Variants in FAM81A observed in about 807,000 individuals in gnomAD.
The protein encoded by FAM81A is family with sequence similarity 81 member A, also known as protein FAM81A.
FAM81A carries 19 observed loss-of-function variants against 46.7 expected under a neutral mutation model. The observed-to-expected ratio is 0.41, with a 90% confidence interval of 0.28 to 0.60. FAM81A has a LOEUF of 0.60. Ranked by LOEUF, FAM81A falls within the 20% of genes least tolerant of loss-of-function variation. The pLI is 0.34. For missense variants in FAM81A, 377 were observed against 453.5 expected (o/e 0.83, Z 1.53); for synonymous variants, 183 against 152.9 (o/e 1.20, Z -1.45).
Position 59,461,959 on chromosome 15 carries a change from T to C in FAM81A, c.294+1753T>C, listed in dbSNP as rs186826596. On this transcript the variant is annotated intron_variant, in intron 3 of 8. Coordinates refer to ENST00000288228, the MANE Select transcript of FAM81A (RefSeq NM_152450.3). ...TGGCTCATGCCTGTAATCCCAGCTC[T>C]TAAGGAGGCCGAGGCAGGTGGATCA... 9.3e-4 allele frequency among the ~76,000 whole-genome samples: 141 copies of C among 152,296 alleles called. 1 individual carries two copies. Among genetic ancestry groups the C allele is most frequent in the Non-Finnish European group, 7.2e-4 (49 of 68,024 alleles).
At chr15:59,429,946 G>A (rs867435109) in intron 2 of FAM81A, among the ~76,000 whole-genome samples, 2 of 152,204 alleles carry the variant, frequency 1.3e-5, no homozygotes, top group African/African-American at 4.8e-5. Context: ...GTTGAGTCCA[G>A]GCCAGGTAGT....
rs752484416 is a variant in FAM81A at position 59,460,090 on chromosome 15, A to C, written c.178A>C (p.Asn60His). Residue 60 changes from asparagine (N) to histidine (H), a missense_variant, in exon 3 of 9, where the codon AAC becomes CAC. By Grantham distance (68) the Asn-to-His change is moderately conservative. Coordinates refer to ENST00000288228, the MANE Select transcript of FAM81A (RefSeq NM_152450.3). The surrounding 1 kb of genome is among the most constrained non-coding windows in gnomAD (Gnocchi z 4.4). ...CTTTCGGATTAAAGATGACATTGTC[A>C]ACAGTTTGCAGAAAATGCAAAACAA... ...HAFRIKDDIV[N>H]SLQKMQNKGG... The C allele has an allele frequency of 6.2e-7, 1 of 1,614,056 alleles. No homozygotes were observed. Among genetic ancestry groups the C allele is most frequent in the Non-Finnish European group, 8.5e-7 (1 of 1,179,898 alleles).
chr15:59,478,433 G>A (rs1370946568), intron 3 of FAM81A, among the ~76,000 whole-genome samples: 1 of 152,186 alleles, frequency 6.6e-6, no homozygotes, highest in Non-Finnish European at 1.5e-5. Context: ...ACTAACATGG[G>A]AAAGCAGGGG....
chr15:59,511,311 G>A (rs1427367931), intron 6 of FAM81A, among the ~76,000 whole-genome samples: 1 of 152,112 alleles, frequency 6.6e-6, no homozygotes, highest in Non-Finnish European at 1.5e-5. Flanking sequence ...ATTCTTAGGA[G>A]TTTTTCAGGA....
chr15:59,473,251 A>C (rs530638679), intron 3 of FAM81A, among the ~76,000 whole-genome samples: 8 of 152,206 alleles, frequency 5.3e-5, no homozygotes, highest in Non-Finnish European at 8.8e-5. Context: ...AAAATCCATA[A>C]ATAAGCAATT....
At chr15:59,492,873 TGG>T (rs2081996112) in intron 4 of FAM81A, among the ~76,000 whole-genome samples, 1 of 152,218 alleles carries the variant, frequency 6.6e-6, no homozygotes, top group African/African-American at 2.4e-5. Context: ...CAACAGCACC[TGG>T]GACCTTGTTA....
In FAM81A at chr15:59,522,314, C is replaced by G. The variant is rs1021560855; in HGVS notation, c.*936C>G. 5.9e-5 allele frequency: 9 copies of G among 152,732 alleles called. No individual in the cohort carries two copies. Among genetic ancestry groups the G allele is most frequent in the African/African-American group, 2.2e-4 (9 of 41,562 alleles). 9.5% of individuals were successfully genotyped at this position (152,732 alleles called of 1,614,324 possible). On this transcript the variant is annotated 3_prime_UTR_variant, in exon 9 of 9. Coordinates refer to ENST00000288228, the MANE Select transcript of FAM81A (RefSeq NM_152450.3). ...GGTTTTATCATGTCAATGCACTGTA[C>G]TCTGTAAAAGTTTTGCAGACAAAAT...
At chr15:59,518,562 G>C (rs376648004) in intron 8 of FAM81A, among the ~76,000 whole-genome samples, 10 of 152,126 alleles carry the variant, frequency 6.6e-5, no homozygotes, top group African/African-American at 2.2e-4. Flanking sequence ...CTGGCCTCAA[G>C]CAGTCCTCTT....
intron 2 of FAM81A, among the ~76,000 whole-genome samples, chr15:59,425,414 T>C (rs2081190840): frequency 6.6e-6 from 1 of 152,224 alleles, no homozygotes; most frequent in Non-Finnish European, 1.5e-5. Flanking sequence ...CAGATAATTA[T>C]TTTAATTATC....
chr15:59,513,127 G>T (rs543435750), intron 6 of FAM81A, among the ~76,000 whole-genome samples: 100 of 152,300 alleles, frequency 6.6e-4, no homozygotes, highest in African/African-American at 2.4e-3. Context: ...CTGGAAAGAA[G>T]TAATTAAGAG....
intron 2 of FAM81A, among the ~76,000 whole-genome samples, chr15:59,417,630 G>T (rs149042284): frequency 6.6e-6 from 1 of 151,864 alleles, no homozygotes; most frequent in Non-Finnish European, 1.5e-5. Flanking sequence ...CAGGAGAATT[G>T]CATGAACCTG....
chr15:59,460,481 A>C lies in FAM81A; in HGVS notation c.294+275A>C. The C allele has an allele frequency of 2.0e-6, 1 of 494,900 alleles. No individual in the cohort carries two copies. 30.7% of individuals were successfully genotyped at this position (494,900 alleles called of 1,614,324 possible). On this transcript the variant is annotated intron_variant, in intron 3 of 8. Coordinates refer to ENST00000288228, the MANE Select transcript of FAM81A (RefSeq NM_152450.3). This position sits in a 1 kb window ranked among gnomAD's most constrained non-coding sequence, Gnocchi z 4.4. ...ATGATTTTATTTTGTTTGGCTCTTAATGAAGAGAGAGAAGAACTAGTCGAA... is the reference window on the plus strand; with the variant it reads ...ATGATTTTATTTTGTTTGGCTCTTACTGAAGAGAGAGAAGAACTAGTCGAA...
intron 7 of FAM81A, 129 bp from the exon 8 acceptor site, chr15:59,516,516 G>A: frequency 1.2e-6 from 1 of 858,734 alleles, no homozygotes; most frequent in Non-Finnish European, 1.8e-6. Context: ...CGGATATTAT[G>A]GTGGGCAACA....
Position 59,508,976 on chromosome 15 carries a change from A to G in FAM81A, c.650+7A>G. The G allele has an allele frequency of 6.3e-7, 1 of 1,596,902 alleles. No individual in the cohort carries two copies. Among genetic ancestry groups the G allele is most frequent in the Non-Finnish European group, 8.5e-7 (1 of 1,172,100 alleles). On this transcript the variant is annotated splice_region_variant and intron_variant, in intron 6 of 8. Transcript: ENST00000288228. ...TTCAGCTTTTGGACACTAAGTAAGC[A>G]ATCAATTTATTAAAAAAATAAAACT...
intron 3 of FAM81A, among the ~76,000 whole-genome samples, chr15:59,462,852 A>G (rs1298037291): frequency 6.6e-6 from 1 of 152,124 alleles, no homozygotes; most frequent in Non-Finnish European, 1.5e-5. Flanking sequence ...ATTCATTTTT[A>G]TATTGGGTTA....
Position 59,460,257 on chromosome 15 carries a change from C to A in FAM81A, c.294+51C>A. The A allele has an allele frequency of 6.2e-7, 1 of 1,612,854 alleles. No individual in the cohort carries two copies. The stretch of plus-strand genomic sequence containing the variant: ...CTATGTCCCTTTCCACAGAATTGCT[C>A]CATGTCAGGAGGTCACCCACATCTA... On this transcript the variant is annotated intron_variant, in intron 3 of 8. Transcript: ENST00000288228. The surrounding 1 kb of genome is among the most constrained non-coding windows in gnomAD (Gnocchi z 4.4).
intron 1 of FAM81A, among the ~76,000 whole-genome samples, chr15:59,450,708 C>T (rs572388454): frequency 5.1e-4 from 77 of 152,278 alleles, no homozygotes; most frequent in African/African-American, 1.8e-3. Context: ...AGAACAACAA[C>T]AACAAAACTT....
chr15:59,498,874 C>T (rs916015750), intron 4 of FAM81A, among the ~76,000 whole-genome samples: 3 of 152,248 alleles, frequency 2.0e-5, no homozygotes, highest in Middle Eastern at 6.8e-3. Context: ...AGGCTGGTCT[C>T]GAACTCCTGA....
At chr15:59,444,881 C>T (rs560477221) in intron 1 of FAM81A, among the ~76,000 whole-genome samples, 26 of 152,136 alleles carry the variant, frequency 1.7e-4, no homozygotes, top group African/African-American at 2.2e-4. Context: ...GGTCTTTTGT[C>T]GACTCCTTCC....
Sources: gnomAD v4.1 joint callset for allele counts (sites outside exome capture counted in the v4.1 genomes callset) on GRCh38, gnomAD v4.1.1 for gene constraint, Gnocchi (gnomAD v3.1) non-coding constraint, MANE v1.5 for transcripts, NCBI Gene and HGNC (gene_info 2026-07-23, HGNC 2026-07-21) for gene names.